CHST12: variants seen among roughly 807,000 people sequenced by gnomAD.
CHST12 encodes the protein carbohydrate (chondroitin 4) sulfotransferase 12.
Under a neutral mutation model 27.9 loss-of-function variants are expected in CHST12, and 23 were observed. That is an observed-to-expected ratio of 0.82 (90% CI 0.59 to 1.17). The LOEUF (loss-of-function observed/expected upper bound fraction) is 1.17. Among genes scored for constraint, CHST12 ranks in the 50% most tolerant of loss-of-function variants. The probability of loss-of-function intolerance (pLI) is 0.00; values close to 1 mark genes in which losing one functional copy is unlikely to be tolerated. For missense variants in CHST12, 682 were observed against 603.0 expected (o/e 1.13, Z -1.37); for synonymous variants, 322 against 273.0 (o/e 1.18, Z -1.77).
In CHST12 at chr7:2,435,707, T is replaced by A. The variant is rs1349648713; in HGVS notation, c.*1823T>A. ...TGTGGTGTCCCTGTGTTTCCCAGGC[T>A]CAGGTGGGCTTGTGTGGGTCTTGGC... On this transcript the variant is annotated 3_prime_UTR_variant, in exon 2 of 2. Coordinates refer to ENST00000618655, the MANE Select transcript of CHST12 (RefSeq NM_018641.5). The A allele has an allele frequency of 6.6e-6, 1 of 152,398 alleles. No individual in the cohort carries two copies. Among genetic ancestry groups the A allele is most frequent in the Non-Finnish European group, 1.5e-5 (1 of 68,154 alleles). 9.4% of individuals were successfully genotyped at this position (152,398 alleles called of 1,614,324 possible).
chr7:2,437,145 C>G lies in CHST12; in HGVS notation c.*3261C>G, dbSNP rs1782492737. 1 of 152,340 alleles carries G rather than the reference C, an allele frequency of 6.6e-6. No homozygotes were observed. Among genetic ancestry groups the G allele is most frequent in the Non-Finnish European group, 1.5e-5 (1 of 68,038 alleles). 9.4% of individuals were successfully genotyped at this position (152,340 alleles called of 1,614,324 possible). A position where few individuals can be genotyped will look rare whatever the true frequency, so the allele number is the denominator to read the frequency against. Reference sequence around the variant, plus strand: ...TACAACTGGAAAATTTAACCATAAACTTAAAACTCTTTTACCCTGTTGGCC... The same window carrying G: ...TACAACTGGAAAATTTAACCATAAAGTTAAAACTCTTTTACCCTGTTGGCC... On this transcript the variant is annotated 3_prime_UTR_variant, in exon 2 of 2. Transcript: ENST00000618655.
chr7:2,417,678 C>T (rs1781846664), intron 1 of CHST12, among the ~76,000 whole-genome samples: 1 of 152,154 alleles, frequency 6.6e-6, no homozygotes, highest in South Asian at 2.1e-4. Flanking sequence ...GCATGAGCCA[C>T]CACACCTGGC....
rs188852929 is a variant in CHST12 at position 2,417,422 on chromosome 7, C to T, written c.-78+13749C>T. Among the ~76,000 whole-genome samples the T allele has an allele frequency of 8.7e-4, 126 of 144,316 alleles. 2 individuals are homozygous for T. Among genetic ancestry groups the T allele is most frequent in the Admixed American group, 3.6e-4 (5 of 14,000 alleles). 94.7% of individuals were successfully genotyped at this position (144,316 alleles called of 152,430 possible). ...TTTTTTTTTTTGTGATGGAGTCTCACAGTGTTGCCCAGGCTGGAGTACAGT... is the reference window on the plus strand; with the variant it reads ...TTTTTTTTTTTGTGATGGAGTCTCATAGTGTTGCCCAGGCTGGAGTACAGT... On this transcript the variant is annotated intron_variant, in intron 1 of 1. Transcript: ENST00000618655.
In CHST12 at chr7:2,434,049, A is replaced by G. The variant is rs1410510687; in HGVS notation, c.*165A>G. ...TTTTTAAGATTAATATATTTCAGGT[A>G]TTTAATACGAAATGTGGAAGGGAAT... On this transcript the variant is annotated 3_prime_UTR_variant, in exon 2 of 2. Transcript: ENST00000618655. 2 of 541,352 alleles carry G rather than the reference A, an allele frequency of 3.7e-6. No homozygotes were observed. Among genetic ancestry groups the G allele is most frequent in the Non-Finnish European group, 6.4e-6 (2 of 312,362 alleles). 33.5% of individuals were successfully genotyped at this position (541,352 alleles called of 1,614,324 possible). A position where few individuals can be genotyped will look rare whatever the true frequency, so the allele number is the denominator to read the frequency against.
rs946423220 is a variant in CHST12 at position 2,438,995 on chromosome 7, G to C, written c.*5111G>C. ...AGCCGTCCCGGAACTGAGACCAACT[G>C]CTGAGGGAGGAAGGGCCACCAGATC... is the stretch of plus-strand genomic sequence containing the variant. On this transcript the variant is annotated 3_prime_UTR_variant, in exon 2 of 2. Transcript: ENST00000618655. 2 of 152,276 alleles carry C rather than the reference G, an allele frequency of 1.3e-5. No individual in the cohort carries two copies. Among genetic ancestry groups the C allele is most frequent in the Non-Finnish European group, 2.9e-5 (2 of 68,082 alleles). The allele number at this position is 152,276 out of a possible 1,614,324, so 9.4% of individuals were successfully genotyped here.
intron 1 of CHST12, among the ~76,000 whole-genome samples, chr7:2,426,337 A>G (rs1429735184): frequency 1.3e-5 from 2 of 152,168 alleles, no homozygotes; most frequent in Non-Finnish European, 1.5e-5. Context: ...GCACCCTACC[A>G]TGTGCATGCA....
In CHST12 at chr7:2,432,738, C is replaced by CT; in HGVS notation, c.101dup (p.Tyr35LeufsTer8). On this transcript the variant is annotated frameshift_variant, in exon 2 of 2. Coordinates refer to ENST00000618655, the MANE Select transcript of CHST12 (RefSeq NM_018641.5). LOFTEE classifies it high-confidence loss of function. ...ACTGGGACAGCGCAGGCGCCGCGCA[C>CT]TTCTACTTGCACACGTCCTTCTCTA... 2.5e-6 allele frequency: 4 copies of CT among 1,613,964 alleles called. No homozygotes were observed. The highest frequency in any genetic ancestry group is 3.4e-6 in the Non-Finnish European group (4 of 1,179,886).
At position 2,432,549 on chromosome 7, in the gene CHST12, C is replaced by T. The variant is rs1782300034; in HGVS notation, c.-77-14C>T. ...GCACCTCAGTCATTAACTAGTGTGT[C>T]ATTGCATCTGCAGGTTCCCAGCAGG... is the stretch of plus-strand genomic sequence containing the variant. On this transcript the variant is annotated splice_polypyrimidine_tract_variant and intron_variant, in intron 1 of 1. Coordinates refer to ENST00000618655, the MANE Select transcript of CHST12 (RefSeq NM_018641.5). 1.4e-6 allele frequency: 2 copies of T among 1,383,590 alleles called. No individual in the cohort carries two copies. Among genetic ancestry groups the T allele is most frequent in the South Asian group, 1.4e-5 (1 of 73,916 alleles). The allele number at this position is 1,383,590 out of a possible 1,614,324, so 85.7% of individuals were successfully genotyped here. A position where few individuals can be genotyped will look rare whatever the true frequency, so the allele number is the denominator to read the frequency against.
intron 1 of CHST12, among the ~76,000 whole-genome samples, chr7:2,417,334 C>T (rs1372856758): frequency 6.6e-6 from 1 of 151,174 alleles, no homozygotes; most frequent in Non-Finnish European, 1.5e-5. Context: ...AAGCAATTCT[C>T]CTGCCTCAGC....
intron 1 of CHST12, among the ~76,000 whole-genome samples, chr7:2,431,113 G>A (rs1782259328): frequency 6.6e-6 from 1 of 152,160 alleles, no homozygotes; most frequent in Non-Finnish European, 1.5e-5. Context: ...CATAATTGTG[G>A]ATTTGTCTGT....
At chr7:2,405,313 T>A (rs7802518) in intron 1 of CHST12, among the ~76,000 whole-genome samples, 1 of 151,908 alleles carries the variant, frequency 6.6e-6, no homozygotes, top group South Asian at 2.1e-4. Context: ...GGCGTGGTGG[T>A]GCACACCTGA....
rs1413490376 is a variant in CHST12 at position 2,437,256 on chromosome 7, CTT to C, written c.*3373_*3374del. ...GGGGTGGTGTCACAAAGCCCTGTCT[CTT>C]GTGTGATGGCTGCGCCTCGAATCAG... On this transcript the variant is annotated 3_prime_UTR_variant, in exon 2 of 2. Transcript: ENST00000618655. The C allele has an allele frequency of 1.3e-5, 2 of 152,324 alleles. No individual in the cohort carries two copies. The highest frequency in any genetic ancestry group is 4.8e-5 in the African/African-American group (2 of 41,468). 9.4% of individuals were successfully genotyped at this position (152,324 alleles called of 1,614,324 possible).
At position 2,433,907 on chromosome 7, in the gene CHST12, C is replaced by T. The variant is rs746883850; in HGVS notation, c.*23C>T. The T allele has an allele frequency of 1.1e-5, 17 of 1,539,374 alleles. No homozygotes were observed. The highest frequency in any genetic ancestry group is 1.4e-5 in the Non-Finnish European group (16 of 1,141,718). The stretch of plus-strand genomic sequence containing the variant: ...TGAAAGCTTTCGCGTTGCTTTTTCT[C>T]GCGTGCCTGGAACCTGACGCACGCG... On this transcript the variant is annotated 3_prime_UTR_variant, in exon 2 of 2. Coordinates refer to ENST00000618655, the MANE Select transcript of CHST12 (RefSeq NM_018641.5). This position sits in a 1 kb window ranked among gnomAD's most constrained non-coding sequence, Gnocchi z 6.1.
intron 1 of CHST12, among the ~76,000 whole-genome samples, chr7:2,425,130 G>T (rs922952720): frequency 1.3e-5 from 2 of 150,766 alleles, no homozygotes; most frequent in Admixed American, 6.6e-5. Flanking sequence ...GCATGAACCC[G>T]GGAGGCAGAG....
At chr7:2,415,105 C>T (rs1439421717) in intron 1 of CHST12, among the ~76,000 whole-genome samples, 1 of 152,184 alleles carries the variant, frequency 6.6e-6, no homozygotes, top group Admixed American at 6.5e-5. Context: ...GTGGCTCACG[C>T]CTCAGTCCCT....
chr7:2,430,897 A>G (rs73045295), intron 1 of CHST12, among the ~76,000 whole-genome samples: 2,085 of 152,304 alleles, frequency 0.014, 19 homozygotes, highest in African/African-American at 0.024. Flanking sequence ...CAAGATTTCA[A>G]TTCTTTTAAA....
Position 2,440,974 on chromosome 7 carries a change from C to T in CHST12, c.*7090C>T, listed in dbSNP as rs772028692. 13 of 152,116 alleles carry T rather than the reference C, an allele frequency of 8.5e-5. No homozygotes were observed. The highest frequency in any genetic ancestry group is 8.8e-5 in the Non-Finnish European group (6 of 68,028). The allele number at this position is 152,116 out of a possible 1,614,324, so 9.4% of individuals were successfully genotyped here. On this transcript the variant is annotated 3_prime_UTR_variant, in exon 2 of 2. Coordinates refer to ENST00000618655, the MANE Select transcript of CHST12 (RefSeq NM_018641.5). ...CTTTTTTCCTTGTCTAAGCACCATC[C>T]TTGCTTAGGAGAGACACGGCTGTGG... is the stretch of plus-strand genomic sequence containing the variant.
intron 1 of CHST12, among the ~76,000 whole-genome samples, chr7:2,411,513 C>A (rs1397164115): frequency 1.9e-4 from 1 of 5,222 alleles, no homozygotes; most frequent in Non-Finnish European, 3.3e-4. Context: ...TTTTTTGAGA[C>A]GGAGTCTCAC....
intron 1 of CHST12, among the ~76,000 whole-genome samples, chr7:2,428,657 T>C (rs1270217529): frequency 6.6e-6 from 1 of 152,192 alleles, no homozygotes; most frequent in Admixed American, 6.6e-5. Context: ...AGTAATTCTT[T>C]AACATAACAT....
Sources: allele counts gnomAD v4.1 joint callset (sites outside exome capture counted in the v4.1 genomes callset), GRCh38; gene constraint gnomAD v4.1.1; non-coding constraint Gnocchi (gnomAD v3.1); transcripts MANE v1.5; gene names NCBI Gene and HGNC (gene_info 2026-07-23, HGNC 2026-07-21).